Variants in NUP188 observed in about 807,000 individuals in gnomAD.
NUP188 encodes the protein nucleoporin NUP188.
A neutral mutation model predicts 223.0 loss-of-function variants in NUP188; 97 were observed. The observed-to-expected ratio is 0.43, with a 90% CI of 0.37 to 0.51. The LOEUF is 0.51. NUP188 is among the 20% of genes least tolerant of loss of function. NUP188 has a pLI of 0.00. For synonymous variants in NUP188, 869 were observed against 828.0 expected (o/e 1.05, Z -0.85); for missense variants, 1,947 against 2,175.6 (o/e 0.89, Z 2.09).
chr9:128,961,046 C>G, intron 8 of NUP188, among the ~76,000 whole-genome samples: 1 of 142,332 alleles, frequency 7.0e-6, no homozygotes, highest in Middle Eastern at 3.9e-3. Flanking sequence ...GATTGCGCCA[C>G]TGTACTCCAG....
intron 3 of NUP188, among the ~76,000 whole-genome samples, chr9:128,955,153 G>T (rs1345721473): frequency 6.6e-6 from 1 of 151,228 alleles, no homozygotes; most frequent in Non-Finnish European, 1.5e-5. Context: ...GCCTGGCCAA[G>T]CTACCCTTCT....
At chr9:128,970,585 G>A (rs140846018) in intron 10 of NUP188, among the ~76,000 whole-genome samples, 173 bp from the exon 11 acceptor site, 49 of 152,280 alleles carry the variant, frequency 3.2e-4, no homozygotes, top group African/African-American at 1.1e-3. Context: ...AAGAGTAATT[G>A]TAATTGAGGG....
intron 25 of NUP188, among the ~76,000 whole-genome samples, chr9:128,992,872 C>G (rs1188377811): frequency 6.6e-6 from 1 of 152,190 alleles, no homozygotes; most frequent in Non-Finnish European, 1.5e-5. Context: ...ACTTATAACA[C>G]CAAGTATTCT....
chr9:128,995,434 G>A lies in NUP188; in HGVS notation c.3271G>A (p.Gly1091Ser). ...GGCAGTTCACGTGGCCGAAACAGAA[G>A]GCAGCAGCTGCACCTCCTTGTTAGA... ...SLAVHVAETE[G>S]SSCTSLLEYQ... The change falls in exon 30 of 44, where the codon GGC becomes AGC. Residue 1091 changes from glycine to serine, a missense_variant. By Grantham distance (56) the Gly-to-Ser change is moderately conservative (BLOSUM62 0). Around this residue, in one of 3 missense-constraint regions of NUP188, gnomAD observed 905 missense variants for 990.6 expected, o/e 0.91. Transcript: ENST00000372577. The A allele has an allele frequency of 1.2e-6, 2 of 1,613,916 alleles. No individual in the cohort carries two copies.
At chr9:128,954,676 G>A (rs1841844128) in intron 3 of NUP188, among the ~76,000 whole-genome samples, 5 of 151,990 alleles carry the variant, frequency 3.3e-5, no homozygotes, top group Admixed American at 2.6e-4. Flanking sequence ...GAGCCACCGC[G>A]GCCGGTGACA....
chr9:129,000,996 C>T (rs556041109), intron 34 of NUP188, among the ~76,000 whole-genome samples: 35 of 152,204 alleles, frequency 2.3e-4, no homozygotes, highest in African/African-American at 7.0e-4. Context: ...GAGATCGCGC[C>T]GCTGCACTCC....
chr9:128,956,474 G>T, intron 4 of NUP188, 40 bp downstream of exon 4: 1 of 1,048,712 alleles, frequency 9.5e-7, no homozygotes, highest in Non-Finnish European at 1.4e-6. Context: ...ATTACTTGCA[G>T]TGTGGATGTG....
In NUP188 at chr9:128,980,639, A is replaced by T. The variant is rs759878583; in HGVS notation, c.1303A>T (p.Ser435Cys). Residue 435 changes from serine to cysteine, a missense_variant, in exon 14 of 44, where the codon AGT becomes TGT. Coordinates refer to ENST00000372577, the MANE Select transcript of NUP188 (RefSeq NM_015354.3). ...TTCTGGCCTTGGGATCATTCTGGAC[A>T]GTGTGTGTGGAATGTTTCCCCACCT... ...PTSGLGIILD[S>C]VCGMFPHLLS... 2 of 1,614,170 alleles carry T rather than the reference A, an allele frequency of 1.2e-6. No homozygotes were observed. Among genetic ancestry groups the T allele is most frequent in the Admixed American group, 3.3e-5 (2 of 60,012 alleles).
intron 36 of NUP188, 133 bp downstream of exon 36, chr9:129,002,109 C>A: frequency 1.4e-6 from 1 of 707,856 alleles, no homozygotes; most frequent in Non-Finnish European, 2.4e-6. Flanking sequence ...GAGGAATCTT[C>A]CCTGCCCCCA....
chr9:128,953,894 A>G (rs113934102), intron 3 of NUP188, among the ~76,000 whole-genome samples: 6,216 of 151,208 alleles, frequency 0.041, 430 homozygotes, highest in African/African-American at 0.14. Context: ...GCAGTGTCAC[A>G]TCTCAGCTTA....
intron 20 of NUP188, chr9:128,985,355 T>C (rs1462503252): frequency 5.8e-6 from 1 of 173,802 alleles, no homozygotes; most frequent in African/African-American, 2.4e-5. Context: ...GTGTGTATAT[T>C]CCTGAAGCAA....
In NUP188 at chr9:128,993,605, C is replaced by T. The variant is rs1246121903; in HGVS notation, c.2928C>T (p.Cys976=). 2 of 1,614,024 alleles carry T rather than the reference C, an allele frequency of 1.2e-6. No individual in the cohort carries two copies. The highest frequency in any genetic ancestry group is 1.7e-6 in the Non-Finnish European group (2 of 1,180,014). The part of the protein sequence containing the change: ...IDSQQQDRYW[C]PPLLHRAAIA... The stretch of plus-strand genomic sequence containing the variant: ...CCCAACAGCAAGATCGATACTGGTG[C>T]CCACCCCTGCTGCATCGTGCCGCCA... Residue 976 remains cysteine, a synonymous_variant, in exon 27 of 44, where the codon TGC becomes TGT. Transcript: ENST00000372577.
rs371104478 is a variant in NUP188 at position 129,002,920 on chromosome 9, A to C, written c.4241A>C (p.Asn1414Thr). 1 of 1,614,084 alleles carries C rather than the reference A, an allele frequency of 6.2e-7. No individual in the cohort carries two copies. The highest frequency in any genetic ancestry group is 1.1e-5 in the South Asian group (1 of 91,070). Residue 1414 changes from asparagine to threonine, a missense_variant, in exon 37 of 44, where the codon AAC becomes ACC. Physicochemically the swap from Asn to Thr is moderately conservative, Grantham distance 65. Around this residue, in one of 3 missense-constraint regions of NUP188, gnomAD observed 905 missense variants for 990.6 expected, o/e 0.91. Transcript: ENST00000372577. ...MEQLLKTLRYNFLPEALDFVG... is the reference protein window; with the variant it reads ...MEQLLKTLRYTFLPEALDFVG... Reference sequence around the variant, plus strand: ...CAGCTGCTCAAAACTCTGCGCTACAACTTCCTGCCTGAGGCCCTGGACTTC... The same window carrying C: ...CAGCTGCTCAAAACTCTGCGCTACACCTTCCTGCCTGAGGCCCTGGACTTC...
intron 2 of NUP188, among the ~76,000 whole-genome samples, chr9:128,952,551 C>T (rs1841806375): frequency 6.6e-6 from 1 of 151,992 alleles, no homozygotes; most frequent in Non-Finnish European, 1.5e-5. Context: ...GGTGAAACTC[C>T]ATCTCTACTA....
intron 15 of NUP188, among the ~76,000 whole-genome samples, chr9:128,982,284 G>A (rs923765816): frequency 6.6e-6 from 1 of 151,998 alleles, no homozygotes; most frequent in African/African-American, 2.4e-5. Flanking sequence ...ACAAAAATTA[G>A]CCAGGAGTGG....
chr9:128,965,345 C>T (rs1176708516), intron 8 of NUP188, among the ~76,000 whole-genome samples: 2 of 152,070 alleles, frequency 1.3e-5, no homozygotes, highest in Non-Finnish European at 2.9e-5. Flanking sequence ...AATCTATTTA[C>T]ATAAGGCTGT....
At chr9:128,949,300 CA>C (rs957450446) in intron 2 of NUP188, 57 bp downstream of exon 2, 71 of 1,212,508 alleles carry the variant, frequency 5.9e-5, no homozygotes, top group Middle Eastern at 5.8e-4. Flanking sequence ...CTTTTGTTAC[CA>C]AAAAAAACCT....
intron 8 of NUP188, among the ~76,000 whole-genome samples, chr9:128,964,937 C>G (rs1842007430): frequency 6.6e-6 from 1 of 151,994 alleles, no homozygotes; most frequent in African/African-American, 2.4e-5. Context: ...CACTCCTGAC[C>G]TCAGGTCATC....
intron 12 of NUP188, among the ~76,000 whole-genome samples, chr9:128,977,371 G>C (rs1321565886): frequency 1.3e-5 from 2 of 151,722 alleles, no homozygotes; most frequent in East Asian, 3.9e-4. Context: ...TGCCTGCCTC[G>C]GCCTCCCAAA....
Sources: allele counts gnomAD v4.1 joint callset (sites outside exome capture counted in the v4.1 genomes callset), GRCh38; gene constraint gnomAD v4.1.1; regional missense constraint gnomAD v4.1.1; transcripts MANE v1.5; gene names NCBI Gene and HGNC (gene_info 2026-07-23, HGNC 2026-07-21).